AP1B1: variants seen among roughly 807,000 people sequenced by gnomAD.
The protein encoded by AP1B1 is adaptor related protein complex 1 subunit beta 1, also known as AP-1 complex subunit beta-1.
A neutral mutation model predicts 104.3 loss-of-function variants in AP1B1; 36 were observed. The ratio of observed to expected loss-of-function variants is 0.35; its 90% CI spans 0.26 to 0.46. The LOEUF is 0.46. Ranked by LOEUF, AP1B1 falls within the 20% of genes least tolerant of loss-of-function variation. The pLI is 1.00. For missense variants in AP1B1, 901 were observed against 1,247.9 expected (o/e 0.72, Z 4.19); for synonymous variants, 504 against 517.5 (o/e 0.97, Z 0.35).
intron 1 of AP1B1, among the ~76,000 whole-genome samples, chr22:29,378,841 A>G (rs1279364970): frequency 2.1e-5 from 3 of 144,200 alleles, no homozygotes; most frequent in African/African-American, 7.8e-5. Flanking sequence ...CCTGGGCAAC[A>G]GAGCAAGACT....
chr22:29,363,183 G>A (rs1171758424), intron 2 of AP1B1, 77 bp from the exon 3 acceptor site: 2 of 750,086 alleles, frequency 2.7e-6, no homozygotes, highest in Non-Finnish European at 4.8e-6. Flanking sequence ...ACTTCCAAAA[G>A]AACCGGAGGG....
rs774167734 is a variant in AP1B1, at chr22:29,334,258, C to T, written c.2309+7G>A. 3 of 1,588,832 alleles carry T rather than the reference C, an allele frequency of 1.9e-6. No individual in the cohort carries two copies. In the South Asian group the frequency reaches 3.4e-5, roughly 18 times the overall value. ...TGAGAGGTGCGCTGGCCTCAGGGAG[C>T]TCTCACCTGTTGCGGTTGAACTGGA... On this transcript the variant is annotated splice_region_variant and intron_variant, in intron 17 of 22. Transcript: ENST00000357586.
At chr22:29,352,137 C>T (rs1440199033) in intron 7 of AP1B1, among the ~76,000 whole-genome samples, 18 of 152,156 alleles carry the variant, frequency 1.2e-4, no homozygotes, top group Admixed American at 9.2e-4. Context: ...TATCTCAGTC[C>T]CAGTCCCAGC....
intron 16 of AP1B1, 103 bp from the exon 17 acceptor site, chr22:29,334,513 G>T: frequency 1.5e-6 from 2 of 1,318,118 alleles, no homozygotes; most frequent in African/African-American, 1.5e-5. Context: ...TCCTGCAGGG[G>T]CCTCCCAGAT....
chr22:29,382,007 C>T (rs76701454), intron 1 of AP1B1, among the ~76,000 whole-genome samples: 2,870 of 151,508 alleles, frequency 0.019, 30 homozygotes, highest in South Asian at 0.037. Context: ...ACCTCTGATG[C>T]TTAAAAAAAG....
intron 16 of AP1B1, among the ~76,000 whole-genome samples, chr22:29,337,113 A>G (rs536506388): frequency 6.6e-6 from 1 of 152,308 alleles, no homozygotes; most frequent in South Asian, 2.1e-4. Flanking sequence ...CACCCCACGC[A>G]TGAAGGCAGG....
At chr22:29,357,173 C>G (rs902726842) in intron 5 of AP1B1, among the ~76,000 whole-genome samples, 1 of 151,920 alleles carries the variant, frequency 6.6e-6, no homozygotes, top group Non-Finnish European at 1.5e-5. Flanking sequence ...AAGTGATTCT[C>G]ATGCCTCAGC....
rs2061511648 is a variant in AP1B1 at position 29,328,652 on chromosome 22, G to A, written c.*169C>T. The A allele has an allele frequency of 1.3e-6, 1 of 774,228 alleles. No homozygotes were observed. Among genetic ancestry groups the A allele is most frequent in the South Asian group, 1.8e-5 (1 of 55,614 alleles). 48.0% of individuals were successfully genotyped at this position (774,228 alleles called of 1,614,324 possible). Reference sequence around the variant, plus strand: ...GCACTGCGCTCTCACCCCAGGAGGGGGTGGTGCCCTACCCCAGGGATCGGG... The same window carrying A: ...GCACTGCGCTCTCACCCCAGGAGGGAGTGGTGCCCTACCCCAGGGATCGGG... On this transcript the variant is annotated 3_prime_UTR_variant, in exon 23 of 23. Coordinates refer to ENST00000357586, the MANE Select transcript of AP1B1 (RefSeq NM_001127.4). The surrounding 1 kb of genome is among the most constrained non-coding windows in gnomAD (Gnocchi z 4.1).
chr22:29,376,363 G>A (rs768486313), intron 1 of AP1B1, among the ~76,000 whole-genome samples: 1 of 152,350 alleles, frequency 6.6e-6, no homozygotes, highest in South Asian at 2.1e-4. Context: ...TTGGCACTCA[G>A]TGAATTAATG....
intron 1 of AP1B1, among the ~76,000 whole-genome samples, chr22:29,380,747 T>A (rs2062423397): frequency 6.6e-6 from 1 of 152,096 alleles, no homozygotes; most frequent in South Asian, 2.1e-4. Context: ...CACCTTCCAT[T>A]TAGAGTGCTA....
chr22:29,371,524 G>A (rs964768410), intron 1 of AP1B1, among the ~76,000 whole-genome samples: 3 of 151,698 alleles, frequency 2.0e-5, no homozygotes, highest in African/African-American at 7.2e-5. Flanking sequence ...GAGGTCAGGA[G>A]ATCGAGACCA....
intron 2 of AP1B1, among the ~76,000 whole-genome samples, chr22:29,363,378 A>G (rs188927338): frequency 6.6e-6 from 1 of 152,284 alleles, no homozygotes; most frequent in Admixed American, 6.5e-5. Context: ...TGGCCAGCAC[A>G]GTGGCTCATG....
chr22:29,365,343 C>G (rs1174912467), intron 2 of AP1B1, among the ~76,000 whole-genome samples: 2 of 152,114 alleles, frequency 1.3e-5, no homozygotes, highest in Non-Finnish European at 2.9e-5. Flanking sequence ...TAAAAAACCC[C>G]AACCCCAAAA....
At chr22:29,353,248 C>G (rs1032879287) in intron 7 of AP1B1, among the ~76,000 whole-genome samples, 1 of 152,166 alleles carries the variant, frequency 6.6e-6, no homozygotes, top group Admixed American at 6.5e-5. Flanking sequence ...ACTGGGTACT[C>G]TGTGCTGCTG....
Position 29,328,592 on chromosome 22 carries a change from G to A in AP1B1, c.*229C>T, listed in dbSNP as rs960494799. 5 of 527,440 alleles carry A rather than the reference G, an allele frequency of 9.5e-6. No homozygotes were observed. Among genetic ancestry groups the A allele is most frequent in the African/African-American group, 1.9e-5 (1 of 52,014 alleles). The allele number at this position is 527,440 out of a possible 1,614,324, so 32.7% of individuals were successfully genotyped here. ...CCACCTCACTTAACCCCACATCACA[G>A]CCACAGGAGCAGGGGTGTCCCAGAG... On this transcript the variant is annotated 3_prime_UTR_variant, in exon 23 of 23. Coordinates refer to ENST00000357586, the MANE Select transcript of AP1B1 (RefSeq NM_001127.4). This position sits in a 1 kb window ranked among gnomAD's most constrained non-coding sequence, Gnocchi z 4.1.
chr22:29,381,285 C>G (rs1230785685), intron 1 of AP1B1, among the ~76,000 whole-genome samples: 3 of 152,150 alleles, frequency 2.0e-5, no homozygotes, highest in Non-Finnish European at 4.4e-5. Flanking sequence ...GTACTTATTA[C>G]CTATTACCTA....
rs1197764786 is a variant in AP1B1, at chr22:29,334,491, T to C, written c.2164-81A>G. On this transcript the variant is annotated intron_variant, in intron 16 of 22. Transcript: ENST00000357586. ...CTCAACAGCCCACCTGAGGGTGCTT[T>C]TTCTCTCTCTCTCCTGCAGGGGCCT... The C allele has an allele frequency of 2.2e-5, 32 of 1,467,748 alleles. No homozygotes were observed. The East Asian group carries it at 7.9e-4, about 36-fold the overall frequency. The allele number at this position is 1,467,748 out of a possible 1,614,324, so 90.9% of individuals were successfully genotyped here. A position where few individuals can be genotyped will look rare whatever the true frequency, so the allele number is the denominator to read the frequency against.
At chr22:29,350,425 G>C (rs1028117554) in intron 9 of AP1B1, among the ~76,000 whole-genome samples, 1 of 152,152 alleles carries the variant, frequency 6.6e-6, no homozygotes, top group Non-Finnish European at 1.5e-5. Flanking sequence ...TCTAAGTCAG[G>C]ACCTGAGGGC....
At chr22:29,359,552 A>G (rs1409375360) in intron 4 of AP1B1, 6 of 361,770 alleles carry the variant, frequency 1.7e-5, no homozygotes, top group Non-Finnish European at 3.0e-5. Context: ...CTGCCCTAGC[A>G]AAGCATGCAG....
Sources: gnomAD v4.1 joint callset for allele counts (sites outside exome capture counted in the v4.1 genomes callset) on GRCh38, gnomAD v4.1.1 for gene constraint, Gnocchi (gnomAD v3.1) non-coding constraint, MANE v1.5 for transcripts, NCBI Gene and HGNC (gene_info 2026-07-23, HGNC 2026-07-21) for gene names.